The following PCDH9 variants were observed in gnomAD, a reference collection of about 807,000 sequenced individuals.
The protein encoded by PCDH9 is protocadherin 9.
In PCDH9, 24 loss-of-function variants were observed where a neutral mutation model predicts 70.6. The ratio of observed to expected loss-of-function variants is 0.34; its 90% CI spans 0.25 to 0.48. PCDH9 has a LOEUF of 0.48. PCDH9 is among the 20% of genes least tolerant of loss of function. PCDH9 has a pLI of 0.99. For missense variants in PCDH9, 1,281 were observed against 1,503.6 expected (o/e 0.85, Z 2.45); for synonymous variants, 562 against 558.5 (o/e 1.01, Z -0.09).
chr13:66,714,297 C>G (rs971210991), intron 3 of PCDH9, among the ~76,000 whole-genome samples: 1 of 151,752 alleles, frequency 6.6e-6, no homozygotes, highest in African/African-American at 2.4e-5. Flanking sequence ...AACCCCATCT[C>G]CACTAAAAAT....
chr13:66,721,521 C>A (rs557690580), intron 3 of PCDH9, among the ~76,000 whole-genome samples: 10 of 152,178 alleles, frequency 6.6e-5, no homozygotes, highest in African/African-American at 2.2e-4. Context: ...ATATTTATGT[C>A]TGAGCGTGGA....
intron 3 of PCDH9, among the ~76,000 whole-genome samples, chr13:66,685,856 T>C (rs555191562): frequency 8.9e-4 from 135 of 152,328 alleles, no homozygotes; most frequent in Admixed American, 2.2e-3. Context: ...CCCCTTTGTT[T>C]TGGCCAGTTT....
intron 2 of PCDH9, among the ~76,000 whole-genome samples, chr13:67,109,012 A>G (rs545950820): frequency 3.9e-5 from 6 of 152,332 alleles, no homozygotes; most frequent in Non-Finnish European, 7.4e-5. Flanking sequence ...TTGAAGTGAT[A>G]TAAGTATTCT....
At chr13:66,766,208 G>A (rs1313991909) in intron 3 of PCDH9, among the ~76,000 whole-genome samples, 1 of 151,920 alleles carries the variant, frequency 6.6e-6, no homozygotes, top group Non-Finnish European at 1.5e-5. Context: ...AGCTCTGAGT[G>A]TGGATACTGG....
At chr13:66,960,662 T>C (rs1043202276) in intron 2 of PCDH9, among the ~76,000 whole-genome samples, 6 of 152,206 alleles carry the variant, frequency 3.9e-5, no homozygotes, top group African/African-American at 1.4e-4. Flanking sequence ...CAATTATTAC[T>C]TTTATAAAAT....
intron 4 of PCDH9, among the ~76,000 whole-genome samples, chr13:66,534,452 C>T (rs1415015082): frequency 6.6e-6 from 1 of 151,898 alleles, no homozygotes; most frequent in Non-Finnish European, 1.5e-5. Flanking sequence ...CTTTGTATCC[C>T]CATGTGGCAG....
intron 2 of PCDH9, among the ~76,000 whole-genome samples, chr13:67,154,672 CTTATG>C (rs1327155987): frequency 7.3e-6 from 1 of 136,804 alleles, no homozygotes. Context: ...TTTTTGATAA[CTTATG>C]TTGTGTTAAG....
At chr13:66,816,923 A>G (rs1458253864) in intron 3 of PCDH9, among the ~76,000 whole-genome samples, 2 of 151,528 alleles carry the variant, frequency 1.3e-5, no homozygotes, top group African/African-American at 2.4e-5. Context: ...TGAGCTGACT[A>G]TAAGTCAGCC....
Position 66,879,918 on chromosome 13 carries a change from A to T in PCDH9, c.3138+23586T>A, listed in dbSNP as rs2081892844. The T allele has an allele frequency of 2.0e-5, 3 of 152,188 alleles. 1 individual carries two copies. Among genetic ancestry groups the T allele is most frequent in the African/African-American group, 7.2e-5 (3 of 41,460 alleles). The allele number at this position is 152,188 out of a possible 1,614,324, so 9.4% of individuals were successfully genotyped here. On this transcript the variant is annotated intron_variant, in intron 3 of 4. Transcript: ENST00000377865. ...ATTACTGACACATTTAAATAATTTT[A>T]GTAACTTGGCTTGAAGACAAGAAAA...
intron 4 of PCDH9, among the ~76,000 whole-genome samples, chr13:66,578,028 T>C (rs983417681): frequency 2.6e-5 from 4 of 152,074 alleles, no homozygotes; most frequent in African/African-American, 7.2e-5. Context: ...GTAAAATGTA[T>C]ACCATATATT....
At chr13:66,977,455 T>C (rs774362297) in intron 2 of PCDH9, 4 of 152,104 alleles carry the variant, frequency 2.6e-5, no homozygotes, top group Non-Finnish European at 4.4e-5. Context: ...TCCATATCCC[T>C]CCTTCTCATC....
chr13:66,488,737 T>G (rs1233312558), intron 4 of PCDH9, among the ~76,000 whole-genome samples: 2 of 152,130 alleles, frequency 1.3e-5, no homozygotes, highest in African/African-American at 4.8e-5. Context: ...TATAATGACA[T>G]TGGTGATAGC....
At chr13:66,508,588 G>A (rs1282986544) in intron 4 of PCDH9, among the ~76,000 whole-genome samples, 1 of 152,044 alleles carries the variant, frequency 6.6e-6, no homozygotes, top group Non-Finnish European at 1.5e-5. Flanking sequence ...CAAGAACTTT[G>A]TACCACTTAG....
intron 2 of PCDH9, among the ~76,000 whole-genome samples, chr13:67,153,232 G>A (rs534325962): frequency 6.6e-6 from 1 of 151,920 alleles, no homozygotes; most frequent in East Asian, 1.9e-4. Context: ...TGCGATCATG[G>A]CTCACTATAG....
intron 3 of PCDH9, among the ~76,000 whole-genome samples, chr13:66,729,770 T>C (rs1454850914): frequency 6.6e-6 from 1 of 152,188 alleles, no homozygotes; most frequent in Non-Finnish European, 1.5e-5. Flanking sequence ...AACTCAGAAA[T>C]AGCTCCTCCA....
At chr13:67,057,766 A>G (rs1186039427) in intron 2 of PCDH9, among the ~76,000 whole-genome samples, 2 of 152,074 alleles carry the variant, frequency 1.3e-5, no homozygotes, top group Non-Finnish European at 2.9e-5. Context: ...TAGCTTTTAA[A>G]TTTGCTCTGA....
chr13:66,491,104 A>G (rs2138532975), intron 4 of PCDH9, among the ~76,000 whole-genome samples: 1 of 152,306 alleles, frequency 6.6e-6, no homozygotes, highest in South Asian at 2.1e-4. Context: ...GCTAAACTTC[A>G]GTAAACTCTT....
intron 2 of PCDH9, among the ~76,000 whole-genome samples, chr13:67,177,614 CAT>C: frequency 6.6e-6 from 1 of 152,126 alleles, no homozygotes; most frequent in Non-Finnish European, 1.5e-5. Flanking sequence ...TACTTCTGTG[CAT>C]AATGCTTGAA....
chr13:67,151,482 C>G (rs532268321), intron 2 of PCDH9, among the ~76,000 whole-genome samples: 3 of 151,942 alleles, frequency 2.0e-5, no homozygotes, highest in South Asian at 2.1e-4. Flanking sequence ...ACTCAGAGCT[C>G]CTACTTCTTT....
Sources: allele counts gnomAD v4.1 joint callset (sites outside exome capture counted in the v4.1 genomes callset), GRCh38; gene constraint gnomAD v4.1.1; transcripts MANE v1.5; gene names NCBI Gene and HGNC (gene_info 2026-07-23, HGNC 2026-07-21).